The following MAPK4 variants were observed in gnomAD, a reference collection of about 807,000 sequenced individuals.
The protein encoded by MAPK4 is Erk3-related.
In MAPK4, 22 loss-of-function variants were observed where a neutral mutation model predicts 47.7. The observed-to-expected ratio is 0.46, with a 90% CI of 0.33 to 0.66. MAPK4 has a LOEUF of 0.66. Among genes scored for constraint, MAPK4 ranks in the 30% least tolerant of loss-of-function variants. MAPK4 has a pLI of 0.02. For missense variants in MAPK4, 736 were observed against 831.7 expected, an observed-to-expected ratio of 0.88 and a Z score of 1.42; for synonymous variants, 390 against 365.7, an observed-to-expected ratio of 1.07 and a Z score of -0.76.
intron 1 of MAPK4, among the ~76,000 whole-genome samples, chr18:50,632,391 C>T (rs772512023): frequency 1.1e-4 from 16 of 152,148 alleles, no homozygotes; most frequent in Non-Finnish European, 1.8e-4. Context: ...ATGTCAGAAT[C>T]TGTCATTCCA....
chr18:50,601,752 G>A (rs35743515), intron 1 of MAPK4, among the ~76,000 whole-genome samples: 28,862 of 152,126 alleles, frequency 0.19, 2,798 homozygotes, highest in East Asian at 0.35. Context: ...GATGTCCATA[G>A]GCTTTCAAGC....
chr18:50,651,247 C>T (rs557524321), intron 1 of MAPK4, among the ~76,000 whole-genome samples: 1 of 152,284 alleles, frequency 6.6e-6, no homozygotes, highest in South Asian at 2.1e-4. Flanking sequence ...AGCTCCATTG[C>T]TTTCTTGTCC....
chr18:50,627,846 T>C (rs1442006879), intron 1 of MAPK4, among the ~76,000 whole-genome samples: 1 of 152,118 alleles, frequency 6.6e-6, no homozygotes, highest in South Asian at 2.1e-4. Flanking sequence ...AATTTCCTCA[T>C]GGGATTTGTG....
intron 3 of MAPK4, among the ~76,000 whole-genome samples, chr18:50,718,461 A>C (rs1217368710): frequency 6.6e-6 from 1 of 151,936 alleles, no homozygotes; most frequent in African/African-American, 2.4e-5. Flanking sequence ...CAAATGATCC[A>C]CCTGCCTCAG....
rs28570115 is a variant in MAPK4, at chr18:50,573,767, A to G, written c.-871+13524A>G. 2.9e-3 allele frequency among the ~76,000 whole-genome samples: 439 copies of G among 152,356 alleles called. 1 individual carries two copies. Among genetic ancestry groups the G allele is most frequent in the African/African-American group, 9.7e-3 (405 of 41,588 alleles). The stretch of plus-strand genomic sequence containing the variant: ...TTTGTTAATCATCAGACCAAAATCT[A>G]TAGGAACATATGGTCAATATAGGTC... On this transcript the variant is annotated intron_variant, in intron 1 of 5. Transcript: ENST00000400384.
intron 1 of MAPK4, among the ~76,000 whole-genome samples, chr18:50,609,276 C>T (rs1316007136): frequency 6.6e-6 from 1 of 151,850 alleles, no homozygotes. Context: ...AGGGGCTCCT[C>T]ACTTCCCAGA....
intron 1 of MAPK4, among the ~76,000 whole-genome samples, chr18:50,599,685 C>G (rs1032850659): frequency 6.6e-6 from 1 of 152,142 alleles, no homozygotes; most frequent in Non-Finnish European, 1.5e-5. Flanking sequence ...TCCCAAAGTG[C>G]TGGGTTTACA....
intron 1 of MAPK4, among the ~76,000 whole-genome samples, chr18:50,578,039 A>G (rs2042313035): frequency 6.6e-6 from 1 of 152,230 alleles, no homozygotes. Context: ...CTGAGAGCCT[A>G]CCGACTGCCC....
chr18:50,617,027 T>C (rs1007619316), intron 1 of MAPK4, among the ~76,000 whole-genome samples: 2 of 152,236 alleles, frequency 1.3e-5, no homozygotes, highest in Non-Finnish European at 2.9e-5. Flanking sequence ...ATGACTGTTA[T>C]CATTACCACC....
intron 1 of MAPK4, among the ~76,000 whole-genome samples, chr18:50,653,534 C>T (rs2043074834): frequency 6.6e-6 from 1 of 152,222 alleles, no homozygotes; most frequent in African/African-American, 2.4e-5. Flanking sequence ...TGGGAGATGA[C>T]AGAGTTCACT....
chr18:50,639,708 T>G (rs931194414), intron 1 of MAPK4, among the ~76,000 whole-genome samples: 6 of 152,212 alleles, frequency 3.9e-5, no homozygotes, highest in Non-Finnish European at 8.8e-5. Context: ...TGTCTTTAAA[T>G]GGCCTTTTCA....
At chr18:50,670,240 G>A (rs1387624946) in intron 2 of MAPK4, 4 of 151,672 alleles carry the variant, frequency 2.6e-5, no homozygotes, top group African/African-American at 9.7e-5. Flanking sequence ...GCCTTTCAAA[G>A]GGGCAGTAAG....
rs762462142 is a variant in MAPK4, at chr18:50,729,248, G to A, written c.1158G>A (p.Ser386=). The change falls in exon 6 of 6, where the codon TCG becomes TCA. Residue 386 remains serine, a synonymous_variant. Transcript: ENST00000400384. ...TACAGCGCGACCCGCGCGCGGGTTC[G>A]GCGCCACTGGCTGAGGACGTGCAGG... The part of the protein sequence containing the change: ...SEVQRDPRAG[S]APLAEDVQVD... The A allele has an allele frequency of 1.2e-5, 20 of 1,608,548 alleles. No homozygotes were observed. Among genetic ancestry groups the A allele is most frequent in the Non-Finnish European group, 1.5e-5 (18 of 1,176,760 alleles).
chr18:50,621,262 GC>G (rs1469378397), intron 1 of MAPK4, among the ~76,000 whole-genome samples: 1 of 152,156 alleles, frequency 6.6e-6, no homozygotes, highest in African/African-American at 2.4e-5. Flanking sequence ...AAGATGCTTG[GC>G]CTGCAGCTCT....
chr18:50,565,375 C>T (rs2042189672), intron 1 of MAPK4, among the ~76,000 whole-genome samples: 1 of 152,122 alleles, frequency 6.6e-6, no homozygotes, highest in African/African-American at 2.4e-5. Context: ...ACCTTGTAAA[C>T]GAGGTTGGTC....
intron 1 of MAPK4, among the ~76,000 whole-genome samples, chr18:50,644,319 G>A (rs765899587): frequency 4.6e-5 from 7 of 152,038 alleles, no homozygotes; most frequent in Admixed American, 3.3e-4. Flanking sequence ...GGGATGGGAG[G>A]GTAATCACCA....
rs572684326 is a variant in MAPK4 at position 50,635,340 on chromosome 18, C to A, written c.-870-27749C>A. Among the ~76,000 whole-genome samples the A allele has an allele frequency of 5.9e-5, 9 of 152,292 alleles. No individual in the cohort carries two copies. The East Asian group carries it at 1.7e-3, about 29-fold the overall frequency. ...CTTCAATGCCCCCTATCACCCCCAA[C>A]ATTCGGGCCCTTTACTGTGCTTGAT... On this transcript the variant is annotated intron_variant, in intron 1 of 5. Coordinates refer to ENST00000400384, the MANE Select transcript of MAPK4 (RefSeq NM_002747.4).
At chr18:50,684,777 T>A (rs772127706) in intron 2 of MAPK4, among the ~76,000 whole-genome samples, 11 of 151,854 alleles carry the variant, frequency 7.2e-5, no homozygotes. Context: ...GTGAACAGCC[T>A]TGGGAACTCT....
At chr18:50,618,386 A>G (rs1184952225) in intron 1 of MAPK4, among the ~76,000 whole-genome samples, 1 of 152,148 alleles carries the variant, frequency 6.6e-6, no homozygotes, top group Non-Finnish European at 1.5e-5. Context: ...TGATACCCCC[A>G]AATAATAGTT....
Sources: gnomAD v4.1 joint callset for allele counts (sites outside exome capture counted in the v4.1 genomes callset) on GRCh38, gnomAD v4.1.1 for gene constraint, MANE v1.5 for transcripts, NCBI Gene and HGNC (gene_info 2026-07-23, HGNC 2026-07-21) for gene names.